The following RARB variants were observed in gnomAD, a reference collection of about 807,000 sequenced individuals.
The protein encoded by RARB is HBV-activated protein.
RARB carries 17 observed loss-of-function variants against 51.9 expected under a neutral mutation model. The ratio of observed to expected loss-of-function variants is 0.33; its 90% CI spans 0.22 to 0.49. The LOEUF (loss-of-function observed/expected upper bound fraction) is 0.49. Ranked by LOEUF, RARB falls within the 20% of genes least tolerant of loss-of-function variation. The pLI, the probability that RARB is intolerant of heterozygous loss-of-function variation, is 0.99. For missense variants in RARB, 369 were observed against 550.8 expected (o/e 0.67, Z 3.30); for synonymous variants, 215 against 195.4 (o/e 1.10, Z -0.84).
At chr3:25,167,011 A>G (rs76012872) in intron 4 of RARB, among the ~76,000 whole-genome samples, 28 of 152,150 alleles carry the variant, frequency 1.8e-4, no homozygotes, top group Non-Finnish European at 3.7e-4. Context: ...TTATTGTTCA[A>G]TTTCAGATTG....
At chr3:25,524,268 G>T (rs896538944) in intron 3 of RARB, among the ~76,000 whole-genome samples, 13 of 152,118 alleles carry the variant, frequency 8.5e-5, no homozygotes, top group African/African-American at 2.7e-4. Context: ...AAATAATAAT[G>T]ACCTACTTTT....
chr3:25,194,624 G>C lies in RARB; in HGVS notation c.178+20049G>C, dbSNP rs563071230. Among the ~76,000 whole-genome samples, 6 of 151,096 alleles carry C rather than the reference G, an allele frequency of 4.0e-5. No homozygotes were observed. The East Asian group carries it at 5.8e-4, about 15-fold the overall frequency. ...AAAGGCTGTCATAGGAGCTTAATTA[G>C]AGTCCCTTGAGAACAAGGTCTTTTT... On this transcript the variant is annotated intron_variant, in intron 5 of 11. Transcript: ENST00000383772.
intron 1 of RARB, among the ~76,000 whole-genome samples, chr3:25,439,432 G>C (rs1055649323): frequency 6.6e-6 from 1 of 152,028 alleles, no homozygotes; most frequent in East Asian, 1.9e-4. Context: ...TTGAGACAGG[G>C]TCTCGCTCTG....
chr3:25,268,111 G>A (rs1266643220), intron 5 of RARB, among the ~76,000 whole-genome samples: 1 of 152,106 alleles, frequency 6.6e-6, no homozygotes, highest in African/African-American at 2.4e-5. Flanking sequence ...AGTGCTTGAG[G>A]TCACAGTCTA....
At chr3:25,004,760 G>A (rs947128757) in intron 2 of RARB, among the ~76,000 whole-genome samples, 15 of 152,134 alleles carry the variant, frequency 9.9e-5, no homozygotes, top group African/African-American at 3.6e-4. Flanking sequence ...GATGGTAAAT[G>A]AGACAACTGA....
At chr3:25,245,356 C>G (rs945341183) in intron 5 of RARB, among the ~76,000 whole-genome samples, 2 of 152,158 alleles carry the variant, frequency 1.3e-5, no homozygotes, top group African/African-American at 4.8e-5. Flanking sequence ...ATGATGCTAT[C>G]TGGTTATTTT....
At chr3:25,556,362 T>A (rs185166662) in intron 3 of RARB, among the ~76,000 whole-genome samples, 6 of 152,296 alleles carry the variant, frequency 3.9e-5, no homozygotes, top group Non-Finnish European at 8.8e-5. Context: ...TTGGCTTATT[T>A]CTGCTGTTTC....
At chr3:24,880,411 C>G (rs914415835) in intron 2 of RARB, among the ~76,000 whole-genome samples, 1 of 151,792 alleles carries the variant, frequency 6.6e-6, no homozygotes, top group Non-Finnish European at 1.5e-5. Context: ...GAAGATAAAG[C>G]CTCCATAAAA....
Position 24,995,854 on chromosome 3 carries a change from T to G in RARB, c.-379-64271T>G, listed in dbSNP as rs143941271. On this transcript the variant is annotated intron_variant, in intron 2 of 11. Transcript: ENST00000383772. ...CTATATTTTTGATGTGTTGTTGGAT[T>G]TGGTTTGCTAGTGTTTTGTTAAGGA... Among the ~76,000 whole-genome samples the G allele has an allele frequency of 6.8e-4, 103 of 150,704 alleles. 1 individual carries two copies. Among genetic ancestry groups the G allele is most frequent in the South Asian group, 2.1e-3 (10 of 4,830 alleles).
chr3:25,421,935 C>T (rs1264293001), intron 5 of RARB, among the ~76,000 whole-genome samples: 2 of 152,134 alleles, frequency 1.3e-5, no homozygotes, highest in African/African-American at 4.8e-5. Flanking sequence ...ATTAAGCTGA[C>T]CTTTGAGAGC....
intron 4 of RARB, among the ~76,000 whole-genome samples, chr3:25,578,273 C>A (rs1701023675): frequency 6.6e-6 from 1 of 152,180 alleles, no homozygotes; most frequent in Non-Finnish European, 1.5e-5. Flanking sequence ...TAATAAAACA[C>A]CAGGTTATTT....
intron 5 of RARB, among the ~76,000 whole-genome samples, chr3:25,357,220 G>A (rs994575717): frequency 4.1e-4 from 62 of 152,216 alleles, no homozygotes; most frequent in African/African-American, 1.5e-3. Context: ...ACTAGCATGA[G>A]ATGGTATCTC....
chr3:25,592,291 T>C (rs1240779551), intron 5 of RARB, among the ~76,000 whole-genome samples: 3 of 152,226 alleles, frequency 2.0e-5, no homozygotes, highest in African/African-American at 2.4e-5. Flanking sequence ...CCCAGTCAAA[T>C]TGAATGCCAT....
intron 4 of RARB, among the ~76,000 whole-genome samples, chr3:25,152,824 A>G (rs1292259929): frequency 2.6e-5 from 4 of 152,216 alleles, no homozygotes; most frequent in African/African-American, 9.6e-5. Context: ...TAATGCTTTG[A>G]CCTATGTGAA....
chr3:25,368,296 A>AT (rs1292976879), intron 5 of RARB, among the ~76,000 whole-genome samples: 1 of 152,148 alleles, frequency 6.6e-6, no homozygotes, highest in Non-Finnish European at 1.5e-5. Context: ...GGCAATTGAT[A>AT]TTTTTTCTCT....
intron 5 of RARB, among the ~76,000 whole-genome samples, chr3:25,266,407 C>T (rs1283875350): frequency 2.0e-5 from 3 of 152,040 alleles, no homozygotes; most frequent in East Asian, 1.9e-4. Context: ...TTCCCCTTAT[C>T]TTTGTTGACC....
intron 5 of RARB, among the ~76,000 whole-genome samples, chr3:25,176,091 AT>A (rs1700737956): frequency 6.6e-6 from 1 of 152,088 alleles, no homozygotes; most frequent in Admixed American, 6.6e-5. Flanking sequence ...CTGACAGCAC[AT>A]TTTAACAGGT....
chr3:25,331,904 C>T (rs925733274), intron 5 of RARB, among the ~76,000 whole-genome samples: 7 of 152,166 alleles, frequency 4.6e-5, no homozygotes, highest in Non-Finnish European at 5.9e-5. Context: ...CACCTCTATG[C>T]AAATAAACTA....
chr3:25,511,363 C>T (rs1013268823), intron 3 of RARB, among the ~76,000 whole-genome samples: 1 of 152,106 alleles, frequency 6.6e-6, no homozygotes, highest in African/African-American at 2.4e-5. Context: ...AATCTCCTGA[C>T]CTCGTGATCT....
Sources: gnomAD v4.1 joint callset for allele counts (sites outside exome capture counted in the v4.1 genomes callset) on GRCh38, gnomAD v4.1.1 for gene constraint, MANE v1.5 for transcripts, NCBI Gene and HGNC (gene_info 2026-07-23, HGNC 2026-07-21) for gene names.